FBRSL1: variants seen among roughly 807,000 people sequenced by gnomAD.
FBRSL1 encodes the protein fibrosin-1-like protein.
In FBRSL1, 51 loss-of-function variants were observed where a neutral mutation model predicts 89.6. The ratio of observed to expected loss-of-function variants is 0.57; its 90% CI spans 0.45 to 0.72. FBRSL1 has a LOEUF of 0.72. Ranked by LOEUF, FBRSL1 falls within the 30% of genes least tolerant of loss-of-function variation. The pLI, the probability that FBRSL1 is intolerant of heterozygous loss-of-function variation, is 0.00. For missense variants in FBRSL1, 1,618 were observed against 1,451.8 expected, an observed-to-expected ratio of 1.11 and a Z score of -1.86; for synonymous variants, 779 against 681.1, an observed-to-expected ratio of 1.14 and a Z score of -2.24.
chr12:132,538,825 A>AT (rs34729699), intron 4 of FBRSL1, among the ~76,000 whole-genome samples: 35,133 of 152,158 alleles, frequency 0.23, 4,779 homozygotes, highest in Non-Finnish European at 0.31. Context: ...CAAATATAGC[A>AT]TTTTTCTTCA....
chr12:132,577,085 G>GC (rs1452772949), intron 15 of FBRSL1, among the ~76,000 whole-genome samples, 154 bp downstream of exon 15: 1 of 152,050 alleles, frequency 6.6e-6, no homozygotes, highest in Non-Finnish European at 1.5e-5. Context: ...TCAAAGCCTG[G>GC]CAACTCCCTC....
intron 5 of FBRSL1, among the ~76,000 whole-genome samples, chr12:132,550,383 C>T (rs1420156424): frequency 6.6e-6 from 1 of 152,176 alleles, no homozygotes; most frequent in African/African-American, 2.4e-5. Context: ...CTTCTGGCTG[C>T]GGCAAGGTCT....
At chr12:132,574,261 C>A in intron 12 of FBRSL1, 58 bp from the exon 13 acceptor site, 1 of 1,474,250 alleles carries the variant, frequency 6.8e-7, no homozygotes, top group Non-Finnish European at 9.0e-7. Context: ...TCCCCTGCAC[C>A]CCCAGGACTC....
intron 2 of FBRSL1, chr12:132,510,367 G>A (rs966388488): frequency 3.3e-5 from 41 of 1,231,476 alleles, no homozygotes; most frequent in East Asian, 9.5e-5. Context: ...CATCCCTGCC[G>A]GCCCCTGCGG....
chr12:132,510,262 G>A, intron 2 of FBRSL1: 2 of 1,231,828 alleles, frequency 1.6e-6, no homozygotes, highest in Non-Finnish European at 2.0e-6. Flanking sequence ...GGCCCACCCT[G>A]CCGGCCTCTC....
intron 3 of FBRSL1, 148 bp downstream of exon 3, chr12:132,525,971 C>T (rs936767875): frequency 1.7e-4 from 108 of 649,394 alleles, no homozygotes; most frequent in Admixed American, 4.0e-4. Flanking sequence ...GCCCCCTGCC[C>T]GCTGCACCCT....
At chr12:132,582,035 C>T (rs989326955) in intron 17 of FBRSL1, 27 bp from the exon 18 acceptor site, 4 of 1,524,106 alleles carry the variant, frequency 2.6e-6, no homozygotes, top group East Asian at 2.5e-5. Flanking sequence ...CAGACCCAAC[C>T]TCATGCTCCC....
At chr12:132,504,242 A>AG (rs11447044) in intron 1 of FBRSL1, among the ~76,000 whole-genome samples, 135,767 of 152,184 alleles carry the variant, frequency 0.89, 61,634 homozygotes, top group Non-Finnish European at 0.99. Flanking sequence ...CGTCCCAAAG[A>AG]GGGGCAGCAG....
Position 132,538,379 on chromosome 12 carries a change from A to G in FBRSL1, c.616-9624A>G, listed in dbSNP as rs570682903. On this transcript the variant is annotated intron_variant, in intron 4 of 18. Transcript: ENST00000680143. ...CCCACCACTCCCCTTTCCCATCCCC[A>G]GCTGTCTCTTCACGGGCCTGGACTG... Among the ~76,000 whole-genome samples, 4 of 152,234 alleles carry G rather than the reference A, an allele frequency of 2.6e-5. No individual in the cohort carries two copies. In the East Asian group the frequency reaches 7.7e-4, roughly 29 times the overall value.
intron 5 of FBRSL1, among the ~76,000 whole-genome samples, chr12:132,564,525 T>G (rs1189157952): frequency 1.0e-5 from 1 of 95,586 alleles, no homozygotes; most frequent in Non-Finnish European, 2.0e-5. Context: ...AGACGGAGTC[T>G]CGCTCTGTCG....
At chr12:132,526,489 C>T (rs1310197780) in intron 3 of FBRSL1, among the ~76,000 whole-genome samples, 1 of 152,216 alleles carries the variant, frequency 6.6e-6, no homozygotes, top group African/African-American at 2.4e-5. Context: ...AAGGCCCTCC[C>T]ACCCCTCTGG....
intron 2 of FBRSL1, among the ~76,000 whole-genome samples, chr12:132,513,814 G>A (rs933367646): frequency 1.3e-5 from 2 of 152,204 alleles, no homozygotes; most frequent in African/African-American, 4.8e-5. Context: ...GGAGCTCTAA[G>A]GCCCTTGGGT....
At chr12:132,574,282 G>T in intron 12 of FBRSL1, 37 bp from the exon 13 acceptor site, 1 of 1,495,732 alleles carries the variant, frequency 6.7e-7, no homozygotes, top group South Asian at 1.3e-5. Context: ...AGCCTCCTGA[G>T]GGGCCCGGAC....
chr12:132,558,747 G>A (rs1256300432), intron 5 of FBRSL1, among the ~76,000 whole-genome samples: 1 of 152,234 alleles, frequency 6.6e-6, no homozygotes, highest in Non-Finnish European at 1.5e-5. Context: ...TTGAATGGCT[G>A]CGGGCTCCGC....
chr12:132,573,456 T>C (rs2040178782), intron 11 of FBRSL1, among the ~76,000 whole-genome samples: 1 of 151,928 alleles, frequency 6.6e-6, no homozygotes, highest in South Asian at 2.1e-4. Flanking sequence ...TTCAGAGGAA[T>C]GGAGAAGGGA....
intron 4 of FBRSL1, among the ~76,000 whole-genome samples, chr12:132,530,767 C>T: frequency 6.7e-6 from 1 of 149,470 alleles, no homozygotes; most frequent in Non-Finnish European, 1.5e-5. Context: ...GGCTGGCCTG[C>T]TGCACTGGGG....
intron 1 of FBRSL1, 104 bp downstream of exon 1, chr12:132,490,965 G>T (rs1403666097): frequency 5.4e-6 from 5 of 931,824 alleles, no homozygotes; most frequent in Non-Finnish European, 5.3e-6. Flanking sequence ...CGCCCGCGCC[G>T]TGGGCAGCCC....
intron 5 of FBRSL1, among the ~76,000 whole-genome samples, chr12:132,564,332 TA>T (rs2039408044): frequency 6.6e-6 from 1 of 152,024 alleles, no homozygotes; most frequent in African/African-American, 2.4e-5. Context: ...AGTGAGGACC[TA>T]GTAATCCACG....
rs1462469288 is a variant in FBRSL1, at chr12:132,517,210, C to T, written c.490-8524C>T. Among the ~76,000 whole-genome samples, 6 of 152,306 alleles carry T rather than the reference C, an allele frequency of 3.9e-5. No individual in the cohort carries two copies. The East Asian group carries it at 1.2e-3, about 29-fold the overall frequency. On this transcript the variant is annotated intron_variant, in intron 2 of 18. Transcript: ENST00000680143. ...CACAGGGTCCTAGAGCTTCCTCCCACCTGACAGGGCCCTCCTACAAACCAA... is the reference window on the plus strand; with the variant it reads ...CACAGGGTCCTAGAGCTTCCTCCCATCTGACAGGGCCCTCCTACAAACCAA...
Sources: allele counts gnomAD v4.1 joint callset (sites outside exome capture counted in the v4.1 genomes callset), GRCh38; gene constraint gnomAD v4.1.1; transcripts MANE v1.5; gene names NCBI Gene and HGNC (gene_info 2026-07-23, HGNC 2026-07-21).